Variants in AMD1 observed in about 807,000 individuals in gnomAD.
AMD1 encodes S-adenosylmethionine decarboxylase proenzyme.
In AMD1, 11 loss-of-function variants were observed where a neutral mutation model predicts 40.2. The observed-to-expected ratio is 0.27, with a 90% CI of 0.17 to 0.45. AMD1 has a LOEUF of 0.45. Among genes scored for constraint, AMD1 ranks in the 20% least tolerant of loss-of-function variants. AMD1 has a pLI of 1.00. For missense variants in AMD1, 257 were observed against 410.2 expected (o/e 0.63, Z 3.23); for synonymous variants, 121 against 130.8 (o/e 0.93, Z 0.51).
At chr6:110,825,455 C>T in the AMD1 span, among the ~76,000 whole-genome samples, 1 of 152,162 alleles carries the variant, frequency 6.6e-6, no homozygotes, top group South Asian at 2.1e-4. Context: ...GTTAAACCAC[C>T]TCTGCTTTCT....
At chr6:110,814,964 G>A in the AMD1 span, 12 of 1,594,670 alleles carry the variant, frequency 7.5e-6, no homozygotes, top group Non-Finnish European at 1.0e-5. Context: ...GTCGCGGGCA[G>A]GGCGAGGACC....
chr6:110,872,742 T>C (rs1246888593), upstream of AMD1, among the ~76,000 whole-genome samples: 1 of 152,236 alleles, frequency 6.6e-6, no homozygotes, highest in Non-Finnish European at 1.5e-5. Context: ...CTATTTAAAT[T>C]ATCCTATATC....
chr6:110,874,951 A>G lies in AMD1; in HGVS notation c.-155A>G. On this transcript the variant is annotated 5_prime_UTR_variant, in exon 1 of 9. Transcript: ENST00000368885. ...GAAAATTTTATTAGTCCTTTTTTTAAAAAAAGTTAATATAAAATTATAGCA... is the reference window on the plus strand; with the variant it reads ...GAAAATTTTATTAGTCCTTTTTTTAGAAAAAGTTAATATAAAATTATAGCA... The G allele has an allele frequency of 3.3e-6, 2 of 602,638 alleles. No homozygotes were observed. The highest frequency in any genetic ancestry group is 4.5e-5 in the South Asian group (2 of 44,736). The allele number at this position is 602,638 out of a possible 1,614,324, so 37.3% of individuals were successfully genotyped here.
chr6:110,862,954 G>C, the AMD1 span, among the ~76,000 whole-genome samples: 21 of 147,098 alleles, frequency 1.4e-4, no homozygotes, highest in Non-Finnish European at 2.3e-4. Flanking sequence ...GTTTTTGTTT[G>C]TTTGTTTTTA....
At chr6:110,843,583 T>C in the AMD1 span, among the ~76,000 whole-genome samples, 1 of 152,056 alleles carries the variant, frequency 6.6e-6, no homozygotes, top group Non-Finnish European at 1.5e-5. Flanking sequence ...ATATGTTTAA[T>C]ATATTTATTT....
At chr6:110,878,386 T>C (rs1212853183) in intron 1 of AMD1, among the ~76,000 whole-genome samples, 1 of 152,246 alleles carries the variant, frequency 6.6e-6, no homozygotes, top group African/African-American at 2.4e-5. Flanking sequence ...TACTAAACAC[T>C]GCTTCCCTCT....
At chr6:110,861,644 C>T in the AMD1 span, among the ~76,000 whole-genome samples, 1 of 152,014 alleles carries the variant, frequency 6.6e-6, no homozygotes, top group East Asian at 1.9e-4. Context: ...GAGCTCGAGA[C>T]CAGCCTGGCC....
the AMD1 span, among the ~76,000 whole-genome samples, chr6:110,851,476 G>A: frequency 1.3e-5 from 2 of 149,060 alleles, no homozygotes; most frequent in East Asian, 2.0e-4. Context: ...TGTTGTTGTC[G>A]TTTTGATATG....
the AMD1 span, among the ~76,000 whole-genome samples, chr6:110,867,230 C>A: frequency 6.6e-6 from 1 of 152,146 alleles, no homozygotes; most frequent in South Asian, 2.1e-4. Context: ...TCACTGTAAC[C>A]TCAAATTCCT....
At chr6:110,889,071 TACTG>T in intron 3 of AMD1, 88 bp downstream of exon 3, 4 of 1,493,434 alleles carry the variant, frequency 2.7e-6, no homozygotes, top group Non-Finnish European at 3.6e-6. Context: ...TTTATATACT[TACTG>T]CCTTTGTTAC....
chr6:110,880,780 C>T (rs1010424840), intron 1 of AMD1, among the ~76,000 whole-genome samples: 1 of 152,154 alleles, frequency 6.6e-6, no homozygotes, highest in Non-Finnish European at 1.5e-5. Flanking sequence ...TCAAGTGATT[C>T]TCCTGCCTCA....
the AMD1 span, among the ~76,000 whole-genome samples, chr6:110,861,218 C>T: frequency 1.3e-5 from 2 of 151,960 alleles, no homozygotes; most frequent in Non-Finnish European, 2.9e-5. Flanking sequence ...ATTAGCCGGG[C>T]GTAGTGGCGG....
the AMD1 span, among the ~76,000 whole-genome samples, chr6:110,817,190 T>A: frequency 6.6e-5 from 10 of 152,150 alleles, no homozygotes; most frequent in Non-Finnish European, 1.0e-4. Flanking sequence ...CTACCCAAAG[T>A]GGTAGATAAG....
chr6:110,817,663 CACTATAATAA>C, the AMD1 span, among the ~76,000 whole-genome samples: 2 of 152,078 alleles, frequency 1.3e-5, no homozygotes, highest in Non-Finnish European at 2.9e-5. Context: ...TGTTGCCATG[CACTATAATAA>C]CTGCTGGAGA....
intron 1 of AMD1, 32 bp from the exon 2 acceptor site, chr6:110,887,473 G>A (rs781262236): frequency 6.6e-7 from 1 of 1,524,430 alleles, no homozygotes; most frequent in Middle Eastern, 2.2e-4. Context: ...GTACTATTGT[G>A]GATTAATCGT....
At chr6:110,886,288 A>T (rs906066779) in intron 1 of AMD1, among the ~76,000 whole-genome samples, 3 of 151,984 alleles carry the variant, frequency 2.0e-5, no homozygotes, top group African/African-American at 7.2e-5. Flanking sequence ...AGATATCATA[A>T]GGCTTAAAAA....
the AMD1 span, among the ~76,000 whole-genome samples, chr6:110,835,199 TAGTAGAG>T: frequency 6.6e-6 from 1 of 151,062 alleles, no homozygotes; most frequent in East Asian, 2.1e-4. Flanking sequence ...TTTGTATTTT[TAGTAGAG>T]ACGGGGTTTC....
intron 1 of AMD1, among the ~76,000 whole-genome samples, chr6:110,882,429 A>G (rs10457227): frequency 0.036 from 5,520 of 152,312 alleles, 128 homozygotes; most frequent in Middle Eastern, 0.071. Context: ...ACCATAGTCA[A>G]TGTATAAATG....
At chr6:110,887,731 G>C in intron 2 of AMD1, 140 bp downstream of exon 2, 1 of 546,188 alleles carries the variant, frequency 1.8e-6, no homozygotes, top group Non-Finnish European at 3.1e-6. Flanking sequence ...AGTCACCCAG[G>C]CTGGAGTGCA....
Sources: allele counts gnomAD v4.1 joint callset (sites outside exome capture counted in the v4.1 genomes callset), GRCh38; gene constraint gnomAD v4.1.1; transcripts MANE v1.5; gene names NCBI Gene and HGNC (gene_info 2026-07-23, HGNC 2026-07-21).